The following DNAL1 variants were observed in gnomAD, a reference collection of about 807,000 sequenced individuals.
The protein encoded by DNAL1 is dynein axonemal light chain 1.
DNAL1 carries 17 observed loss-of-function variants against 29.4 expected under a neutral mutation model. The observed-to-expected ratio is 0.58, with a 90% CI of 0.40 to 0.87. The LOEUF (loss-of-function observed/expected upper bound fraction) is 0.87. Among genes scored for constraint, DNAL1 ranks in the 40% least tolerant of loss-of-function variants. DNAL1 has a pLI of 0.00. For synonymous variants in DNAL1, 78 were observed against 76.3 expected (o/e 1.02, Z -0.12); for missense variants, 188 against 214.1 (o/e 0.88, Z 0.76).
intron 2 of DNAL1, among the ~76,000 whole-genome samples, chr14:73,655,551 T>C (rs912357999): frequency 5.3e-5 from 8 of 152,008 alleles, no homozygotes; most frequent in Non-Finnish European, 8.8e-5. Flanking sequence ...TTCATCGTGT[T>C]GGTCAGGCTG....
At chr14:73,691,853 C>CG (rs1566892361) in intron 7 of DNAL1, among the ~76,000 whole-genome samples, 7 of 140,524 alleles carry the variant, frequency 5.0e-5, no homozygotes, top group African/African-American at 7.6e-5. Flanking sequence ...GCCACCCCCC[C>CG]CCCCCAGCTA....
Position 73,696,618 on chromosome 14 carries a change from A to T in DNAL1, c.*676A>T, listed in dbSNP as rs1892308265. On this transcript the variant is annotated 3_prime_UTR_variant, in exon 8 of 8. Coordinates refer to ENST00000553645, the MANE Select transcript of DNAL1 (RefSeq NM_031427.4). ...GCCACTTGAGTCATTGTGTACAGTC[A>T]TTCTGTGATCTCAGTTAGTGGTTAA... The T allele has an allele frequency of 6.6e-6, 1 of 152,218 alleles. No individual in the cohort carries two copies. 9.4% of individuals were successfully genotyped at this position (152,218 alleles called of 1,614,324 possible).
chr14:73,679,290 G>A (rs1293393446), intron 5 of DNAL1, among the ~76,000 whole-genome samples: 3 of 151,988 alleles, frequency 2.0e-5, no homozygotes, highest in East Asian at 1.9e-4. Context: ...CACCGTGCCC[G>A]GCCAAGACTT....
intron 1 of DNAL1, among the ~76,000 whole-genome samples, chr14:73,650,574 G>T (rs1310478157): frequency 6.6e-6 from 1 of 152,134 alleles, no homozygotes; most frequent in Non-Finnish European, 1.5e-5. Flanking sequence ...TCTCCATTAA[G>T]TATGGTGTTT....
chr14:73,676,477 G>C (rs958299353), intron 5 of DNAL1, among the ~76,000 whole-genome samples: 3 of 151,838 alleles, frequency 2.0e-5, no homozygotes, highest in Non-Finnish European at 4.4e-5. Context: ...TGTTTGTTCT[G>C]ATAGTGTACA....
In DNAL1 at chr14:73,700,979, C is replaced by T. The variant is rs368310331; in HGVS notation, c.*5037C>T. 6.6e-5 allele frequency: 10 copies of T among 152,242 alleles called. No homozygotes were observed. In the East Asian group the frequency reaches 1.5e-3, roughly 24 times the overall value. The allele number at this position is 152,242 out of a possible 1,614,324, so 9.4% of individuals were successfully genotyped here. A position where few individuals can be genotyped will look rare whatever the true frequency, so the allele number is the denominator to read the frequency against. On this transcript the variant is annotated 3_prime_UTR_variant, in exon 8 of 8. Coordinates refer to ENST00000553645, the MANE Select transcript of DNAL1 (RefSeq NM_031427.4). ...AGGGTCATGTTTTAAAATCATGGAA[C>T]TTTTAGAAATACCATATCTGTATCT...
intron 5 of DNAL1, among the ~76,000 whole-genome samples, chr14:73,678,155 C>T (rs1366287038): frequency 6.6e-6 from 1 of 151,908 alleles, no homozygotes; most frequent in Non-Finnish European, 1.5e-5. Context: ...ATGTCGGCCT[C>T]CCAAAGTGCT....
intron 7 of DNAL1, among the ~76,000 whole-genome samples, chr14:73,690,669 G>C (rs1257375895): frequency 6.6e-6 from 1 of 151,024 alleles, no homozygotes; most frequent in Non-Finnish European, 1.5e-5. Context: ...AAAAAAAAGA[G>C]AAGGATCCTG....
chr14:73,672,465 G>T (rs920174053), intron 5 of DNAL1, among the ~76,000 whole-genome samples: 6 of 151,734 alleles, frequency 4.0e-5, no homozygotes, highest in African/African-American at 1.5e-4. Flanking sequence ...AAAACTAGCT[G>T]GGTGTGGTGG....
chr14:73,681,768 C>A (rs1167020452), intron 5 of DNAL1, among the ~76,000 whole-genome samples: 1 of 150,252 alleles, frequency 6.7e-6, no homozygotes, highest in East Asian at 2.0e-4. Context: ...GCACTCCAGC[C>A]TGGACAACAG....
chr14:73,662,915 C>T (rs746941330), intron 4 of DNAL1, among the ~76,000 whole-genome samples: 16 of 150,584 alleles, frequency 1.1e-4, no homozygotes, highest in Non-Finnish European at 2.1e-4. Context: ...AGTCTCTCTT[C>T]AAGCCCTATA....
intron 6 of DNAL1, 130 bp downstream of exon 6, chr14:73,687,515 G>A (rs1892048253): frequency 9.2e-7 from 1 of 1,092,784 alleles, no homozygotes; most frequent in Non-Finnish European, 1.2e-6. Flanking sequence ...TTATGGCTAA[G>A]CTCAGAGAGA....
chr14:73,649,147 A>C (rs931441512), intron 1 of DNAL1, among the ~76,000 whole-genome samples: 3 of 147,930 alleles, frequency 2.0e-5, no homozygotes, highest in Non-Finnish European at 4.5e-5. Context: ...GCTAATTTTC[A>C]TATTTTTAGT....
rs1447090107 is a variant in DNAL1, at chr14:73,681,285, C to A, written c.265-5974C>A. Among the ~76,000 whole-genome samples, 14 of 151,740 alleles carry A rather than the reference C, an allele frequency of 9.2e-5. 1 individual carries two copies. The highest frequency in any genetic ancestry group is 2.1e-4 in the Non-Finnish European group (14 of 67,932). On this transcript the variant is annotated intron_variant, in intron 5 of 7. Transcript: ENST00000553645. ...AATAGCTGGGATTACAGGAGCCCAC[C>A]ACCATGCCCGGCTAGTTTTTATATT...
At chr14:73,661,454 T>C (rs1355533099) in intron 3 of DNAL1, among the ~76,000 whole-genome samples, 1 of 152,044 alleles carries the variant, frequency 6.6e-6, no homozygotes, top group Non-Finnish European at 1.5e-5. Flanking sequence ...AAAAATTTCA[T>C]AATACCAGGG....
chr14:73,657,625 G>A (rs941334705), intron 2 of DNAL1, among the ~76,000 whole-genome samples: 9 of 152,078 alleles, frequency 5.9e-5, no homozygotes, highest in Non-Finnish European at 1.3e-4. Flanking sequence ...ATGGAGTCTC[G>A]CTCTGTTGCC....
chr14:73,681,938 C>T (rs1382186583), intron 5 of DNAL1, among the ~76,000 whole-genome samples: 1 of 151,532 alleles, frequency 6.6e-6, no homozygotes, highest in East Asian at 2.0e-4. Flanking sequence ...CATGGAGAAA[C>T]CCCATCTCTA....
chr14:73,687,036 T>A, intron 5 of DNAL1, among the ~76,000 whole-genome samples: 1 of 148,654 alleles, frequency 6.7e-6, no homozygotes, highest in African/African-American at 2.5e-5. Context: ...AGTGGAGCAG[T>A]CAGAGAAGGA....
At chr14:73,677,884 T>TATTTGTGTGTG (rs1555402397) in intron 5 of DNAL1, among the ~76,000 whole-genome samples, 1,817 of 96,046 alleles carry the variant, frequency 0.019, 25 homozygotes, top group Non-Finnish European at 0.032. Flanking sequence ...ATATATATAT[T>TATTTGTGTGTG]TGTGTGTGTG....
Sources: allele counts gnomAD v4.1 joint callset (sites outside exome capture counted in the v4.1 genomes callset), GRCh38; gene constraint gnomAD v4.1.1; transcripts MANE v1.5; gene names NCBI Gene and HGNC (gene_info 2026-07-23, HGNC 2026-07-21).